ABCC5: variants seen among roughly 807,000 people sequenced by gnomAD.
The protein encoded by ABCC5 is ATP-binding cassette sub-family C member 5.
A neutral mutation model predicts 160.9 loss-of-function variants in ABCC5; 61 were observed. The observed-to-expected ratio is 0.38, with a 90% CI of 0.31 to 0.47. The LOEUF is 0.47. ABCC5 is among the 20% of genes least tolerant of loss of function. The probability of loss-of-function intolerance (pLI) is 0.99; values close to 1 mark genes in which losing one functional copy is unlikely to be tolerated. For missense variants in ABCC5, 1,308 were observed against 1,813.3 expected (o/e 0.72, Z 5.06); for synonymous variants, 666 against 700.6 (o/e 0.95, Z 0.78).
At chr3:183,931,217 G>A (rs1266811432) in intron 26 of ABCC5, among the ~76,000 whole-genome samples, 2 of 152,178 alleles carry the variant, frequency 1.3e-5, no homozygotes, top group Non-Finnish European at 2.9e-5. Flanking sequence ...TGCAGAAAGT[G>A]AAACCATGGA....
chr3:183,965,252 T>C lies in ABCC5; in HGVS notation c.1964A>G (p.Asn655Ser), dbSNP rs1240358330. 1.3e-5 allele frequency: 21 copies of C among 1,613,826 alleles called. No individual in the cohort carries two copies. Among genetic ancestry groups the C allele is most frequent in the Admixed American group, 3.3e-5 (2 of 59,978 alleles). The change falls in exon 14 of 30, where the codon AAC becomes AGC. Residue 655 changes from asparagine (N) to serine (S), a missense_variant. By Grantham distance (46) the Asn-to-Ser change is conservative. Coordinates refer to ENST00000334444, the MANE Select transcript of ABCC5 (RefSeq NM_005688.4). ...FGKEYDEERY[N>S]SVLNSCCLRP... ...CAGGCAGCAGCTGTTCAGCACAGAG[T>C]TGTATCTGGAGGACACAAAGAGACA...
intron 10 of ABCC5, among the ~76,000 whole-genome samples, chr3:183,972,246 A>C (rs1717820893): frequency 6.6e-6 from 1 of 152,140 alleles, no homozygotes; most frequent in Non-Finnish European, 1.5e-5. Flanking sequence ...CCTTGTTCTA[A>C]GGAGTAGTAA....
At chr3:183,955,558 C>T (rs1303780106) in intron 17 of ABCC5, among the ~76,000 whole-genome samples, 1 of 152,224 alleles carries the variant, frequency 6.6e-6, no homozygotes, top group Non-Finnish European at 1.5e-5. Flanking sequence ...AACAGCTATA[C>T]AGGAAGATTT....
intron 29 of ABCC5, among the ~76,000 whole-genome samples, chr3:183,924,010 C>CTTTTTTTTTTTTTTT (rs200040197): frequency 1.2e-4 from 14 of 112,800 alleles, no homozygotes; most frequent in African/African-American, 2.0e-4. Flanking sequence ...TTACTGTTTG[C>CTTTTTTTTTTTTTTT]TTTTTTTTTT....
chr3:183,985,559 A>G, intron 5 of ABCC5: 1 of 726,050 alleles, frequency 1.4e-6, no homozygotes, highest in East Asian at 2.6e-5. Flanking sequence ...ATTCACCAAG[A>G]GAGAGCACTG....
intron 23 of ABCC5, among the ~76,000 whole-genome samples, chr3:183,946,904 C>T (rs1203215097): frequency 1.3e-5 from 2 of 152,146 alleles, no homozygotes; most frequent in East Asian, 3.9e-4. Flanking sequence ...ATGTATATAA[C>T]AGTATTGGGA....
intron 17 of ABCC5, among the ~76,000 whole-genome samples, chr3:183,956,200 G>T (rs531245391): frequency 1.2e-4 from 16 of 135,760 alleles, no homozygotes; most frequent in South Asian, 2.5e-4. Context: ...AAATCACATC[G>T]GTTACATGCA....
chr3:183,964,850 A>G (rs1717072144), intron 14 of ABCC5, among the ~76,000 whole-genome samples: 1 of 152,250 alleles, frequency 6.6e-6, no homozygotes, highest in African/African-American at 2.4e-5. Flanking sequence ...TGAGTTAAGG[A>G]GGTTGGCAAA....
At position 183,965,179 on chromosome 3, in the gene ABCC5, C is replaced by T. The variant is rs1560014156; in HGVS notation, c.2031+6G>A. 1.2e-6 allele frequency: 2 copies of T among 1,613,882 alleles called. No homozygotes were observed. Among genetic ancestry groups the T allele is most frequent in the Admixed American group, 1.7e-5 (1 of 59,994 alleles). ...AAATGCCTGGTCAGGGGCGGAAGGC[C>T]TGTACCTCCGTCAGGTCGCTGCTGG... On this transcript the variant is annotated splice_donor_region_variant and intron_variant, in intron 14 of 29. Transcript: ENST00000334444.
At position 183,949,085 on chromosome 3, in the gene ABCC5, T is replaced by C. The variant is rs1715106380; in HGVS notation, c.3227+668A>G. On this transcript the variant is annotated intron_variant, in intron 22 of 29. Transcript: ENST00000334444. The surrounding 1 kb of genome is among the most constrained non-coding windows in gnomAD (Gnocchi z 4.2). ...TAATACACACATCTGTACTCTGCTGTTTCACTAATATATGCTGGAGATCAT... is the reference window on the plus strand; with the variant it reads ...TAATACACACATCTGTACTCTGCTGCTTCACTAATATATGCTGGAGATCAT... Among the ~76,000 whole-genome samples, 1 of 152,216 alleles carries C rather than the reference T, an allele frequency of 6.6e-6. No individual in the cohort carries two copies. The highest frequency in any genetic ancestry group is 2.1e-4 in the South Asian group (1 of 4,826).
chr3:184,013,863 G>A (rs1332691275), intron 2 of ABCC5, among the ~76,000 whole-genome samples: 1 of 152,012 alleles, frequency 6.6e-6, no homozygotes, highest in Non-Finnish European at 1.5e-5. Flanking sequence ...GTAACCTAAA[G>A]CCAATAAAGA....
rs750713195 is a variant in ABCC5, at chr3:183,987,747, C to T, written c.591+23G>A. The T allele has an allele frequency of 4.1e-5, 66 of 1,613,976 alleles. No homozygotes were observed. The highest frequency in any genetic ancestry group is 4.0e-4 in the South Asian group (36 of 91,072). On this transcript the variant is annotated intron_variant, in intron 5 of 29. Coordinates refer to ENST00000334444, the MANE Select transcript of ABCC5 (RefSeq NM_005688.4). The surrounding 1 kb of genome is among the most constrained non-coding windows in gnomAD (Gnocchi z 4.2). The stretch of plus-strand genomic sequence containing the variant: ...CCGTGGCCGGGCCCCTGGAGACTGT[C>T]GGAAAGGATGGTTAGAACTTACTGG...
intron 2 of ABCC5, among the ~76,000 whole-genome samples, chr3:183,999,660 G>C (rs1464099847): frequency 6.6e-6 from 1 of 151,974 alleles, no homozygotes; most frequent in East Asian, 1.9e-4. Context: ...CACACCTGTG[G>C]TCCAGCTACC....
chr3:183,956,889 T>C lies in ABCC5; in HGVS notation c.2482+2844A>G, dbSNP rs1307426049. 2.9e-5 allele frequency among the ~76,000 whole-genome samples: 3 copies of C among 104,104 alleles called. No homozygotes were observed. In the South Asian group the frequency reaches 1.1e-3, roughly 38 times the overall value. The allele number at this position is 104,104 out of a possible 152,430, so 68.3% of individuals were successfully genotyped here. ...ATCATATAGGTTACATGCAGATCCG[T>C]GTGTATATCATATAGGTTACATGCA... On this transcript the variant is annotated intron_variant, in intron 17 of 29. Transcript: ENST00000334444.
At chr3:184,016,386 C>T (rs370729295) in intron 1 of ABCC5, among the ~76,000 whole-genome samples, 37 of 152,310 alleles carry the variant, frequency 2.4e-4, no homozygotes, top group African/African-American at 8.7e-4. Context: ...AAGTTACTGT[C>T]TGTGGCCTTG....
At chr3:183,926,351 A>T (rs1400516486) in intron 28 of ABCC5, among the ~76,000 whole-genome samples, 1 of 150,652 alleles carries the variant, frequency 6.6e-6, no homozygotes, top group East Asian at 2.0e-4. Context: ...AGAGATCGAG[A>T]CCATCCTGGC....
intron 10 of ABCC5, among the ~76,000 whole-genome samples, chr3:183,973,155 C>T (rs973906661): frequency 1.5e-4 from 22 of 149,650 alleles, no homozygotes; most frequent in African/African-American, 4.2e-4. Context: ...CCTGAGTTCA[C>T]GCCATTTTCC....
chr3:183,977,746 A>G (rs1056857164), intron 9 of ABCC5, 122 bp from the exon 10 acceptor site: 7 of 652,978 alleles, frequency 1.1e-5, no homozygotes, highest in Non-Finnish European at 1.6e-5. Context: ...CTGTTATTAC[A>G]AGTCAATTAC....
chr3:183,947,791 A>G (rs1222347126), intron 22 of ABCC5, among the ~76,000 whole-genome samples: 3 of 152,248 alleles, frequency 2.0e-5, no homozygotes, highest in Non-Finnish European at 4.4e-5. Flanking sequence ...CTCAGCACAG[A>G]GTAAACATGG....
Sources: gnomAD v4.1 joint callset for allele counts (sites outside exome capture counted in the v4.1 genomes callset) on GRCh38, gnomAD v4.1.1 for gene constraint, Gnocchi (gnomAD v3.1) non-coding constraint, MANE v1.5 for transcripts, NCBI Gene and HGNC (gene_info 2026-07-23, HGNC 2026-07-21) for gene names.